The following ALS2 variants were observed in gnomAD, a reference collection of about 807,000 sequenced individuals.
ALS2 encodes alsin Rho guanine nucleotide exchange factor ALS2.
A neutral mutation model predicts 203.4 loss-of-function variants in ALS2; 117 were observed. The observed-to-expected ratio is 0.58, with a 90% CI of 0.50 to 0.67. ALS2 has a LOEUF of 0.67. ALS2 is among the 30% of genes least tolerant of loss of function. ALS2 has a pLI of 0.00. For missense variants in ALS2, 1,715 were observed against 1,989.4 expected, an observed-to-expected ratio of 0.86 and a Z score of 2.62; for synonymous variants, 718 against 725.9, an observed-to-expected ratio of 0.99 and a Z score of 0.17.
intron 28 of ALS2, 82 bp downstream of exon 28, chr2:201,707,787 A>C: frequency 6.4e-7 from 1 of 1,550,846 alleles, no homozygotes; most frequent in Non-Finnish European, 8.8e-7. Context: ...TCTAGAGAAC[A>C]CACTTTCTCG....
In ALS2 at chr2:201,744,294, T is replaced by C. The variant is rs1246712763; in HGVS notation, c.2134A>G (p.Ile712Val). The C allele has an allele frequency of 1.2e-6, 2 of 1,614,144 alleles. No individual in the cohort carries two copies. The highest frequency in any genetic ancestry group is 1.7e-5 in the Admixed American group (1 of 60,024). ...ERRFYSKLSD[I>V]KSQILRPLLS... ...AGAGGCCTGAGAATCTGAGATTTGATATCACTTAGTTTTGAATAGAATCGT... is the reference window on the plus strand; with the variant it reads ...AGAGGCCTGAGAATCTGAGATTTGACATCACTTAGTTTTGAATAGAATCGT... The change falls in exon 10 of 34, where the codon ATC becomes GTC. Residue 712 changes from isoleucine (I) to valine (V), a missense_variant. Physicochemically the swap from Ile to Val is conservative, Grantham distance 29. Around this residue, in one of 3 missense-constraint regions of ALS2, gnomAD observed 1,227 missense variants for 1,413.5 expected, o/e 0.87. Coordinates refer to ENST00000264276, the MANE Select transcript of ALS2 (RefSeq NM_020919.4).
rs1305718603 is a variant in ALS2, at chr2:201,726,874, C to T, written c.2980-8G>A. 4.3e-6 allele frequency: 7 copies of T among 1,612,058 alleles called. No individual in the cohort carries two copies. Among genetic ancestry groups the T allele is most frequent in the Non-Finnish European group, 5.9e-6 (7 of 1,178,792 alleles). On this transcript the variant is annotated splice_region_variant and splice_polypyrimidine_tract_variant and intron_variant, in intron 17 of 33. Coordinates refer to ENST00000264276, the MANE Select transcript of ALS2 (RefSeq NM_020919.4). ...AGCTCGTAGCCACTTTGTCTAGGAG[C>T]AAAAAGTAACGTCAATAAGTTTAAG...
intron 8 of ALS2, among the ~76,000 whole-genome samples, chr2:201,749,183 G>A (rs1248446001): frequency 6.6e-6 from 1 of 150,842 alleles, no homozygotes; most frequent in Non-Finnish European, 1.5e-5. Context: ...ATCTCTCAAT[G>A]GCATTACATA....
intron 2 of ALS2, among the ~76,000 whole-genome samples, chr2:201,768,498 A>ATGGT (rs1694217967): frequency 6.6e-6 from 1 of 152,208 alleles, no homozygotes; most frequent in Non-Finnish European, 1.5e-5. Flanking sequence ...GGACATAACC[A>ATGGT]TGGTTCTATA....
intron 11 of ALS2, among the ~76,000 whole-genome samples, chr2:201,740,149 A>AC (rs199642594): frequency 0.02 from 2,987 of 152,000 alleles, 41 homozygotes; most frequent in Non-Finnish European, 0.028. Context: ...ACATAGTGAG[A>AC]CCCCCATCTC....
intron 23 of ALS2, chr2:201,722,765 G>A (rs1430511833): frequency 9.8e-6 from 4 of 407,936 alleles, no homozygotes; most frequent in East Asian, 4.6e-5. Flanking sequence ...GCCCAAAAAA[G>A]GCAAATCTAT....
rs1386445264 is a variant in ALS2, at chr2:201,744,192, G to C, written c.2170+66C>G. On this transcript the variant is annotated intron_variant, in intron 10 of 33. Coordinates refer to ENST00000264276, the MANE Select transcript of ALS2 (RefSeq NM_020919.4). Reference sequence around the variant, plus strand: ...ATAAACTAACAGGTTTTCATTATTTGTGACATAGGAAGAAGAGATAAAGAC... The same window carrying C: ...ATAAACTAACAGGTTTTCATTATTTCTGACATAGGAAGAAGAGATAAAGAC... 3.3e-6 allele frequency: 5 copies of C among 1,513,992 alleles called. No individual in the cohort carries two copies. In the East Asian group the frequency reaches 1.1e-4, roughly 34 times the overall value. 93.8% of individuals were successfully genotyped at this position (1,513,992 alleles called of 1,614,324 possible).
chr2:201,758,607 G>A (rs1693546636), intron 4 of ALS2, among the ~76,000 whole-genome samples: 1 of 152,088 alleles, frequency 6.6e-6, no homozygotes, highest in Non-Finnish European at 1.5e-5. Flanking sequence ...GTCATTAAAT[G>A]TACCTACCAA....
chr2:201,738,569 A>G, intron 12 of ALS2, 101 bp downstream of exon 12: 1 of 1,139,916 alleles, frequency 8.8e-7, no homozygotes, highest in South Asian at 1.3e-5. Context: ...GTTTGGTAAA[A>G]TGATGAAGTC....
chr2:201,714,467 A>G (rs1255220270), intron 25 of ALS2, among the ~76,000 whole-genome samples: 1 of 152,204 alleles, frequency 6.6e-6, no homozygotes, highest in East Asian at 1.9e-4. Flanking sequence ...GATCATGGAA[A>G]GCTTACACAT....
rs187667200 is a variant in ALS2, at chr2:201,768,293, C to T, written c.20+573G>A. Among the ~76,000 whole-genome samples the T allele has an allele frequency of 1.0e-3, 159 of 152,304 alleles. 1 individual carries two copies. The highest frequency in any genetic ancestry group is 3.6e-3 in the African/African-American group (149 of 41,572). ...AAAGAATACAAAACACATAGCTGCACAGTAATGACCATATCCTAACTGCCT... is the reference window on the plus strand; with the variant it reads ...AAAGAATACAAAACACATAGCTGCATAGTAATGACCATATCCTAACTGCCT... On this transcript the variant is annotated intron_variant, in intron 2 of 33. Transcript: ENST00000264276.
intron 11 of ALS2, 112 bp from the exon 12 acceptor site, chr2:201,738,847 A>C: frequency 1.0e-6 from 1 of 982,682 alleles, no homozygotes; most frequent in Non-Finnish European, 1.6e-6. Context: ...AATGAATTTC[A>C]GAAGTTTTGT....
At chr2:201,774,481 C>T (rs1047355236) in intron 1 of ALS2, among the ~76,000 whole-genome samples, 5 of 152,136 alleles carry the variant, frequency 3.3e-5, no homozygotes, top group Admixed American at 3.3e-4. Flanking sequence ...TCCCACCCTG[C>T]TATACATTTT....
intron 7 of ALS2, 98 bp from the exon 8 acceptor site, chr2:201,749,887 C>T: frequency 1.1e-6 from 1 of 888,774 alleles, no homozygotes; most frequent in Non-Finnish European, 1.9e-6. Flanking sequence ...ACACAAATAC[C>T]AACAATTATA....
In ALS2 at chr2:201,715,697, T is replaced by C; in HGVS notation, c.3979A>G (p.Thr1327Ala). 1 of 1,614,222 alleles carries C rather than the reference T, an allele frequency of 6.2e-7. No individual in the cohort carries two copies. The highest frequency in any genetic ancestry group is 1.3e-5 in the African/African-American group (1 of 75,062). Residue 1327 changes from threonine to alanine, a missense_variant, in exon 25 of 34, where the codon ACC becomes GCC. Physicochemically the swap from Thr to Ala is moderately conservative, Grantham distance 58. Around this residue, in one of 3 missense-constraint regions of ALS2, gnomAD observed 1,227 missense variants for 1,413.5 expected, o/e 0.87. Coordinates refer to ENST00000264276, the MANE Select transcript of ALS2 (RefSeq NM_020919.4). ...CTGTCTCTGTGCTGGCGCCGACTGG[T>C]GGTCAAGGCCACAGCAATATTGTCC... ...AWDNIAVALT[T>A]SRRQHRDSPE... is the part of the protein sequence containing the mutation.
intron 4 of ALS2, chr2:201,759,510 A>C (rs1158571618): frequency 1.0e-6 from 1 of 977,954 alleles, no homozygotes; most frequent in African/African-American, 1.8e-5. Flanking sequence ...TACTAGCATA[A>C]GTAACAAAAA....
chr2:201,725,003 C>T (rs932819978), intron 20 of ALS2, among the ~76,000 whole-genome samples: 1 of 151,638 alleles, frequency 6.6e-6, no homozygotes, highest in African/African-American at 2.4e-5. Context: ...GTCCCACCTA[C>T]TCGGGAGGCT....
chr2:201,746,968 A>C (rs879302598), intron 8 of ALS2, among the ~76,000 whole-genome samples: 3 of 152,172 alleles, frequency 2.0e-5, no homozygotes, highest in African/African-American at 7.2e-5. Context: ...TGTTTTTATA[A>C]AAATCTGAAA....
At chr2:201,751,087 A>G (rs1032909010) in intron 7 of ALS2, among the ~76,000 whole-genome samples, 1 of 152,098 alleles carries the variant, frequency 6.6e-6, no homozygotes, top group Non-Finnish European at 1.5e-5. Context: ...TCCTGACCTC[A>G]GGTGATCCGC....
Sources: gnomAD v4.1 joint callset for allele counts (sites outside exome capture counted in the v4.1 genomes callset) on GRCh38, gnomAD v4.1.1 for gene constraint, gnomAD v4.1.1 regional missense constraint, MANE v1.5 for transcripts, NCBI Gene and HGNC (gene_info 2026-07-23, HGNC 2026-07-21) for gene names.